The following CCDC77 variants were observed in gnomAD, a reference collection of about 807,000 sequenced individuals.
The protein encoded by CCDC77 is coiled-coil domain containing 77.
CCDC77 carries 56 observed loss-of-function variants against 66.8 expected under a neutral mutation model. The ratio of observed to expected loss-of-function variants is 0.84; its 90% CI spans 0.68 to 1.05. The LOEUF is 1.05. CCDC77 is among the 50% of genes least tolerant of loss of function. The probability of loss-of-function intolerance (pLI) is 0.00; values close to 1 mark genes in which losing one functional copy is unlikely to be tolerated. For synonymous variants in CCDC77, 196 were observed against 195.2 expected (o/e 1.00, Z -0.03); for missense variants, 570 against 576.8 (o/e 0.99, Z 0.12).
At chr12:396,495 G>A (rs1279594654) in intron 1 of CCDC77, among the ~76,000 whole-genome samples, 1 of 152,220 alleles carries the variant, frequency 6.6e-6, no homozygotes, top group Non-Finnish European at 1.5e-5. Context: ...ACGGGAGGGT[G>A]TGCATAGGTC....
chr12:399,576 G>A (rs1182051146), upstream of CCDC77, among the ~76,000 whole-genome samples: 1 of 152,220 alleles, frequency 6.6e-6, no homozygotes, highest in Non-Finnish European at 1.5e-5. Flanking sequence ...TCATCTGTTT[G>A]CATACCTCCA....
chr12:419,021 T>C (rs1056262294), intron 5 of CCDC77: 1 of 179,060 alleles, frequency 5.6e-6, no homozygotes, highest in African/African-American at 2.4e-5. Context: ...TTTAAAAAGA[T>C]ACATTTCTCC....
At chr12:390,736 A>AACACACACACACACACAC (rs58938735) in intron 1 of CCDC77, among the ~76,000 whole-genome samples, 334 of 149,458 alleles carry the variant, frequency 2.2e-3, no homozygotes, top group African/African-American at 6.7e-3. Context: ...TATCTTTATA[A>AACACACACACACACACAC]ACACACACAC....
chr12:440,584 A>G (rs1424824659), intron 10 of CCDC77, 33 bp from the exon 11 acceptor site: 75 of 1,610,434 alleles, frequency 4.7e-5, no homozygotes, highest in Non-Finnish European at 6.2e-5. Context: ...TGTAGAACTG[A>G]GTGTTAATGT....
intron 5 of CCDC77, among the ~76,000 whole-genome samples, chr12:423,482 TTTTTTTGTTTTG>T (rs1565572211): frequency 0.027 from 920 of 33,830 alleles, 191 homozygotes; most frequent in African/African-American, 0.099. Context: ...TTTTTGTGTT[TTTTTTTGTTTTG>T]TTTTTTTTTT....
chr12:401,718 G>A (rs1944900369), intron 1 of CCDC77, 34 bp downstream of exon 1: 1 of 152,416 alleles, frequency 6.6e-6, no homozygotes, highest in African/African-American at 2.4e-5. Flanking sequence ...GGGTGAAGGG[G>A]TTAGGTAAGA....
rs1591953288 is a variant in CCDC77, at chr12:396,035, G to A, written c.-113+6549G>A. 2.0e-5 allele frequency among the ~76,000 whole-genome samples: 3 copies of A among 152,244 alleles called. No homozygotes were observed. In the East Asian group the frequency reaches 5.8e-4, roughly 29 times the overall value. ...GTTTGAGTCCAGTCTGAGCAACACA[G>A]CAAGACCTTGTCTCTAAAAAATAAA... On this transcript the variant is annotated intron_variant, in intron 1 of 11. Coordinates refer to the CCDC77 transcript ENST00000422000.
At chr12:419,485 G>A (rs1591978052) in intron 5 of CCDC77, among the ~76,000 whole-genome samples, 1 of 133,666 alleles carries the variant, frequency 7.5e-6, no homozygotes, top group South Asian at 2.4e-4. Flanking sequence ...CACACTCCAT[G>A]TTCCATTACA....
chr12:433,152 C>T lies in CCDC77; in HGVS notation c.673-22C>T, dbSNP rs577579805. 1.1e-4 allele frequency: 179 copies of T among 1,596,710 alleles called. 4 individuals carry two copies. In the South Asian group the frequency reaches 1.9e-3, roughly 17 times the overall value. On this transcript the variant is annotated intron_variant, in intron 8 of 12. Coordinates refer to ENST00000239830, the MANE Select transcript of CCDC77 (RefSeq NM_032358.4). ...TAAGTGGAAGTAGGGCTGGATTCCT[C>T]ACCCCTTTTTGGCCTGTCTAGGTGG...
rs771384665 is a variant in CCDC77 at position 411,766 on chromosome 12, CGTG to C, written c.62_64del (p.Gly21del). The C allele has an allele frequency of 8.1e-6, 13 of 1,613,580 alleles. No individual in the cohort carries two copies. The highest frequency in any genetic ancestry group is 1.1e-5 in the Non-Finnish European group (13 of 1,179,796). ...ACGTAGGCGAACAGTTGTCTCCAAA[CGTG>C]GTGTTGCCGTCAGTGGTCCCACCAA... On this transcript the variant is annotated inframe_deletion, in exon 4 of 13. Coordinates refer to ENST00000239830, the MANE Select transcript of CCDC77 (RefSeq NM_032358.4).
chr12:409,725 G>A (rs1945069666), intron 3 of CCDC77: 8 of 258,848 alleles, frequency 3.1e-5, no homozygotes, highest in Non-Finnish European at 6.0e-5. Context: ...GCCGGGCACG[G>A]TGGCTCACTC....
chr12:429,796 A>T (rs965404024), intron 6 of CCDC77, among the ~76,000 whole-genome samples: 2 of 151,712 alleles, frequency 1.3e-5, no homozygotes, highest in African/African-American at 2.4e-5. Flanking sequence ...AATTTTAAAA[A>T]AATTTTAGAG....
intron 1 of CCDC77, among the ~76,000 whole-genome samples, chr12:394,860 C>G (rs977263967): frequency 1.8e-4 from 28 of 152,240 alleles, no homozygotes; most frequent in African/African-American, 6.3e-4. Flanking sequence ...TCTCTATGTG[C>G]CAGGCACTCT....
intron 2 of CCDC77, among the ~76,000 whole-genome samples, chr12:407,304 G>A (rs1395995967): frequency 2.0e-5 from 3 of 152,270 alleles, no homozygotes; most frequent in Non-Finnish European, 4.4e-5. Flanking sequence ...CTTAAACCAA[G>A]TTTGTCTGTT....
Position 433,208 on chromosome 12 carries a change from C to T in CCDC77, c.707C>T (p.Thr236Ile). 1 of 1,613,748 alleles carries T rather than the reference C, an allele frequency of 6.2e-7. No homozygotes were observed. The highest frequency in any genetic ancestry group is 8.5e-7 in the Non-Finnish European group (1 of 1,179,880). The part of the protein sequence containing the change: ...EALQAQLGEQ[T>I]KLSREQIEGL... ...CTGCAGGCTCAGCTGGGAGAGCAGACCAAACTTTCTCGAGAACAAATTGAA... is the reference window on the plus strand; with the variant it reads ...CTGCAGGCTCAGCTGGGAGAGCAGATCAAACTTTCTCGAGAACAAATTGAA... Residue 236 changes from threonine to isoleucine, a missense_variant, in exon 9 of 13, where the codon ACC becomes ATC. Transcript: ENST00000239830.
intron 1 of CCDC77, chr12:395,279 G>A (rs149779008): frequency 6.6e-6 from 1 of 152,340 alleles, no homozygotes; most frequent in East Asian, 1.9e-4. Flanking sequence ...TATAGAGAGA[G>A]GGTCTGGCTG....
chr12:423,434 C>T (rs570940389), intron 5 of CCDC77, among the ~76,000 whole-genome samples: 27 of 144,366 alleles, frequency 1.9e-4, no homozygotes, highest in African/African-American at 6.4e-4. Context: ...GCCACCATGC[C>T]TGGCCAACAC....
upstream of CCDC77, among the ~76,000 whole-genome samples, chr12:397,936 G>A (rs746685007): frequency 6.4e-4 from 98 of 152,060 alleles, no homozygotes; most frequent in Non-Finnish European, 1.2e-3. Context: ...GTGAGCCACC[G>A]CGACTGGCCT....
intron 4 of CCDC77, among the ~76,000 whole-genome samples, chr12:416,640 G>C (rs562192999): frequency 2.0e-4 from 30 of 150,630 alleles, no homozygotes; most frequent in Admixed American, 1.8e-3. Context: ...TCTTGAACTC[G>C]TGGCCTCAAG....
Sources: gnomAD v4.1 joint callset for allele counts (sites outside exome capture counted in the v4.1 genomes callset) on GRCh38, gnomAD v4.1.1 for gene constraint, MANE v1.5 for transcripts, NCBI Gene and HGNC (gene_info 2026-07-23, HGNC 2026-07-21) for gene names.